The following INPP4B variants were observed in gnomAD, a reference collection of about 807,000 sequenced individuals.
INPP4B encodes inositol polyphosphate-4-phosphatase type II B, also known as inositol polyphosphate 4-phosphatase type II.
In INPP4B, 55 loss-of-function variants were observed where a neutral mutation model predicts 122.5. The ratio of observed to expected loss-of-function variants is 0.45; its 90% CI spans 0.36 to 0.56. INPP4B has a LOEUF of 0.56. Among genes scored for constraint, INPP4B ranks in the 20% least tolerant of loss-of-function variants. INPP4B has a pLI of 0.00. For synonymous variants in INPP4B, 403 were observed against 388.7 expected (o/e 1.04, Z -0.43); for missense variants, 1,000 against 1,097.7 (o/e 0.91, Z 1.26).
intron 2 of INPP4B, among the ~76,000 whole-genome samples, chr4:142,505,534 G>A (rs1009208581): frequency 3.3e-5 from 5 of 150,550 alleles, no homozygotes; most frequent in Admixed American, 2.7e-4. Context: ...CCTCATCCAC[G>A]AAGTAAGATT....
intron 2 of INPP4B, among the ~76,000 whole-genome samples, chr4:142,469,391 G>GT (rs1387778441): frequency 6.6e-6 from 1 of 152,042 alleles, no homozygotes; most frequent in East Asian, 1.9e-4. Flanking sequence ...TGTAACACGT[G>GT]TAAGTGGGGA....
At chr4:142,630,370 T>A (rs1298632615) in intron 2 of INPP4B, among the ~76,000 whole-genome samples, 2 of 152,162 alleles carry the variant, frequency 1.3e-5, no homozygotes, top group Admixed American at 6.6e-5. Context: ...ATTTTTTAAA[T>A]CAAATTAAAT....
At chr4:142,641,654 TA>T (rs2150483343) in intron 2 of INPP4B, among the ~76,000 whole-genome samples, 1 of 152,328 alleles carries the variant, frequency 6.6e-6, no homozygotes, top group African/African-American at 2.4e-5. Flanking sequence ...CACATTTTCT[TA>T]ATCCAGTCTA....
chr4:142,097,315 C>T (rs1036079459), intron 23 of INPP4B, among the ~76,000 whole-genome samples: 7 of 150,792 alleles, frequency 4.6e-5, no homozygotes, highest in Non-Finnish European at 7.4e-5. Context: ...AGTGCAATGG[C>T]GTGATCTTGG....
intron 12 of INPP4B, 55 bp from the exon 13 acceptor site, chr4:142,209,081 C>A: frequency 7.4e-7 from 1 of 1,346,812 alleles, no homozygotes; most frequent in Non-Finnish European, 1.0e-6. Context: ...TCCATAAACG[C>A]ATAACCCTTA....
intron 9 of INPP4B, among the ~76,000 whole-genome samples, chr4:142,291,979 T>C (rs2291337): frequency 0.053 from 8,054 of 152,212 alleles, 345 homozygotes; most frequent in East Asian, 0.2. Context: ...TCCCTCTCCC[T>C]GGATCTTTCA....
chr4:142,281,838 T>G (rs1256133914), intron 9 of INPP4B, among the ~76,000 whole-genome samples: 2 of 152,060 alleles, frequency 1.3e-5, no homozygotes, highest in Non-Finnish European at 2.9e-5. Context: ...ATTTTTAAAT[T>G]TTTTAAATTC....
intron 1 of INPP4B, among the ~76,000 whole-genome samples, chr4:142,824,795 T>C (rs1025673441): frequency 7.1e-6 from 1 of 141,246 alleles, no homozygotes; most frequent in Admixed American, 6.7e-5. Flanking sequence ...AAAAGGATCC[T>C]TTTTTGTTAA....
chr4:142,845,033 A>T (rs1190183439), intron 1 of INPP4B, among the ~76,000 whole-genome samples: 1 of 152,228 alleles, frequency 6.6e-6, no homozygotes, highest in Admixed American at 6.5e-5. Context: ...AACATTCCAG[A>T]AAGAGAAAGG....
intron 11 of INPP4B, among the ~76,000 whole-genome samples, chr4:142,247,111 T>G (rs556246603): frequency 2.6e-5 from 4 of 152,336 alleles, no homozygotes; most frequent in African/African-American, 9.6e-5. Flanking sequence ...GATTTGTGTA[T>G]GTTGAACCAG....
chr4:142,125,237 C>T (rs1056472386), intron 18 of INPP4B, among the ~76,000 whole-genome samples: 12 of 152,020 alleles, frequency 7.9e-5, no homozygotes, highest in African/African-American at 2.7e-4. Flanking sequence ...GGACTACTCC[C>T]TAACCCATCT....
intron 1 of INPP4B, among the ~76,000 whole-genome samples, chr4:142,818,394 G>A (rs574110555): frequency 6.6e-6 from 1 of 152,114 alleles, no homozygotes; most frequent in East Asian, 1.9e-4. Context: ...TCTCTCAGAG[G>A]CTATTCCAGG....
intron 2 of INPP4B, among the ~76,000 whole-genome samples, chr4:142,491,153 A>G (rs1821823681): frequency 6.6e-6 from 1 of 152,140 alleles, no homozygotes; most frequent in Non-Finnish European, 1.5e-5. Flanking sequence ...GTTCTCTACA[A>G]TGGCTGTGTT....
intron 2 of INPP4B, among the ~76,000 whole-genome samples, chr4:142,524,290 C>T (rs1826528273): frequency 6.6e-6 from 1 of 152,090 alleles, no homozygotes; most frequent in African/African-American, 2.4e-5. Context: ...AAAAGTGTTC[C>T]TATTTCTCCA....
intron 7 of INPP4B, among the ~76,000 whole-genome samples, chr4:142,339,787 A>C (rs1260023124): frequency 6.6e-6 from 1 of 152,200 alleles, no homozygotes; most frequent in Non-Finnish European, 1.5e-5. Context: ...TCCCTAAGAA[A>C]AAAAGGCAGT....
At chr4:142,253,688 TG>T (rs1326224805) in intron 11 of INPP4B, among the ~76,000 whole-genome samples, 2 of 152,230 alleles carry the variant, frequency 1.3e-5, no homozygotes, top group African/African-American at 2.4e-5. Flanking sequence ...ATCCCGCACC[TG>T]GCTCGGAGGG....
At chr4:142,674,632 A>C (rs544940738) in intron 2 of INPP4B, among the ~76,000 whole-genome samples, 60 of 152,006 alleles carry the variant, frequency 3.9e-4, no homozygotes, top group Middle Eastern at 3.4e-3. Context: ...AAAGTAAAAC[A>C]CTCCTCAGCA....
intron 2 of INPP4B, among the ~76,000 whole-genome samples, chr4:142,666,057 G>C (rs186484646): frequency 6.6e-6 from 1 of 151,966 alleles, no homozygotes; most frequent in African/African-American, 2.4e-5. Flanking sequence ...CTTACTATAC[G>C]GTACTCATCA....
chr4:142,514,793 T>TA (rs1491504009), intron 2 of INPP4B, among the ~76,000 whole-genome samples: 6 of 66,078 alleles, frequency 9.1e-5, no homozygotes, highest in Non-Finnish European at 1.5e-4. Context: ...CCATGATTTC[T>TA]TTTTTTTTTT....
Sources: allele counts gnomAD v4.1 joint callset (sites outside exome capture counted in the v4.1 genomes callset), GRCh38; gene constraint gnomAD v4.1.1; transcripts MANE v1.5; gene names NCBI Gene and HGNC (gene_info 2026-07-23, HGNC 2026-07-21).